The following MVD variants were observed in gnomAD, a reference collection of about 807,000 sequenced individuals.
MVD encodes the protein diphosphomevalonate decarboxylase.
In MVD, 52 loss-of-function variants were observed where a neutral mutation model predicts 42.4. The observed-to-expected ratio is 1.23, with a 90% confidence interval of 0.98 to 1.55. The LOEUF is 1.55. MVD is among the 40% of genes most tolerant of loss of function. The pLI is 0.00. For missense variants in MVD, 663 were observed against 572.1 expected, an observed-to-expected ratio of 1.16 and a Z score of -1.62; for synonymous variants, 287 against 243.2, an observed-to-expected ratio of 1.18 and a Z score of -1.68.
In MVD at chr16:88,656,220, A is replaced by G; in HGVS notation, c.488T>C (p.Leu163Pro). 6.2e-7 allele frequency: 1 copy of G among 1,600,304 alleles called. No individual in the cohort carries two copies. Residue 163 changes from leucine (L) to proline (P), a missense_variant, in exon 5 of 10, where the codon CTG becomes CCG. Physicochemically the swap from Leu to Pro is moderately conservative, Grantham distance 98. Transcript: ENST00000301012. ...CTGCCACTCCACAAAGCCCCCATAC[A>G]GGCTCCGGCAGGCGCTGCCTGAGCC... ...RRGSGSACRSLYGGFVEWQMG... is the reference protein window; with the variant it reads ...RRGSGSACRSPYGGFVEWQMG...
intron 4 of MVD, chr16:88,657,108 ATTT>A (rs772792967): frequency 4.2e-6 from 2 of 473,634 alleles, no homozygotes; most frequent in Non-Finnish European, 7.8e-6. Flanking sequence ...CAACGGGAAG[ATTT>A]TTTTATTTTT....
intron 1 of MVD, among the ~76,000 whole-genome samples, chr16:88,661,683 G>A (rs1345147448): frequency 6.6e-6 from 1 of 151,882 alleles, no homozygotes; most frequent in African/African-American, 2.4e-5. Context: ...AGGGAAACGC[G>A]AATGAGGACC....
intron 1 of MVD, 183 bp from the exon 2 acceptor site, chr16:88,658,903 T>G: frequency 1.8e-6 from 1 of 559,972 alleles, no homozygotes; most frequent in Non-Finnish European, 3.3e-6. Flanking sequence ...CCCACCCCAC[T>G]GAGCTCAGGC....
At chr16:88,655,882 G>A in intron 5 of MVD, 152 bp from the exon 6 acceptor site, 10 of 1,136,488 alleles carry the variant, frequency 8.8e-6, no homozygotes, top group South Asian at 1.5e-5. Context: ...CCCGGCCACA[G>A]CAGGGGTGAC....
intron 4 of MVD, chr16:88,656,667 G>A (rs1020848530): frequency 8.1e-6 from 3 of 368,932 alleles, no homozygotes; most frequent in Non-Finnish European, 1.6e-5. Context: ...GTGGGGCAGG[G>A]ACCGATGCCA....
rs139934159 is a variant in MVD, at chr16:88,653,667, G to C, written c.1014-259C>G. 168 of 431,846 alleles carry C rather than the reference G, an allele frequency of 3.9e-4. 2 individuals are homozygous for C. The highest frequency in any genetic ancestry group is 3.5e-3 in the African/African-American group (165 of 47,594). 26.8% of individuals were successfully genotyped at this position (431,846 alleles called of 1,614,324 possible). A position where few individuals can be genotyped will look rare whatever the true frequency, so the allele number is the denominator to read the frequency against. ...GGATTATATGCTCTCGAATGGCTGA[G>C]ACAGGAAATTTTAGGTTATGTGGTA... On this transcript the variant is annotated intron_variant, in intron 8 of 9. Transcript: ENST00000301012.
chr16:88,652,619 T>A lies in MVD; in HGVS notation c.1123-14A>T, dbSNP rs1319915946. The A allele has an allele frequency of 6.4e-6, 10 of 1,551,074 alleles. No homozygotes were observed. The highest frequency in any genetic ancestry group is 7.8e-6 in the Non-Finnish European group (9 of 1,146,776). ...CCCTGGCCCCACCTGGGGATAGAAATCCATGTCAGGTCACCAGGAATGGCA... is the reference window on the plus strand; with the variant it reads ...CCCTGGCCCCACCTGGGGATAGAAAACCATGTCAGGTCACCAGGAATGGCA... On this transcript the variant is annotated splice_polypyrimidine_tract_variant and intron_variant, in intron 9 of 9. Coordinates refer to ENST00000301012, the MANE Select transcript of MVD (RefSeq NM_002461.3).
chr16:88,660,037 C>A (rs1959177686), intron 1 of MVD, among the ~76,000 whole-genome samples: 1 of 151,314 alleles, frequency 6.6e-6, no homozygotes, highest in African/African-American at 2.4e-5. Flanking sequence ...CAGGCTGGAA[C>A]AGTGCCCCGC....
Position 88,657,554 on chromosome 16 carries a change from G to A in MVD, c.285C>T (p.Asn95=). The A allele has an allele frequency of 6.2e-7, 1 of 1,612,764 alleles. No homozygotes were observed. Residue 95 remains asparagine (N), a synonymous_variant, in exon 4 of 10, where the codon AAC becomes AAT. Coordinates refer to ENST00000301012, the MANE Select transcript of MVD (RefSeq NM_002461.3). ...AGGGCAGCGGGTCCCCATCCCGTGA[G>A]TTCCTCCGCTTCCGGGCCAGGCAGC... The part of the protein sequence containing the change: ...EIRCLARKRR[N]SRDGDPLPSS...
chr16:88,654,632 T>C (rs1907787109), intron 8 of MVD, 60 bp downstream of exon 8: 2 of 1,528,348 alleles, frequency 1.3e-6, no homozygotes, highest in Non-Finnish European at 1.8e-6. Flanking sequence ...CTCCGTCTCT[T>C]CCGACCAGAG....
In MVD at chr16:88,656,233, C is replaced by T. The variant is rs773583136; in HGVS notation, c.475G>A (p.Ala159Thr). Residue 159 changes from alanine (A) to threonine (T), a missense_variant, in exon 5 of 10, where the codon GCC (alanine) becomes ACC (threonine). Physicochemically the swap from Ala to Thr is moderately conservative, Grantham distance 58. Coordinates refer to ENST00000301012, the MANE Select transcript of MVD (RefSeq NM_002461.3). Reference protein sequence around the residue: ...SEVARRGSGSACRSLYGGFVE... With the variant: ...SEVARRGSGSTCRSLYGGFVE... ...AAGCCCCCATACAGGCTCCGGCAGG[C>T]GCTGCCTGAGCCCCGGCGAGCCACT... 4.2e-5 allele frequency: 68 copies of T among 1,600,072 alleles called. No individual in the cohort carries two copies. The highest frequency in any genetic ancestry group is 5.3e-5 in the Non-Finnish European group (62 of 1,179,936).
intron 5 of MVD, 99 bp from the exon 6 acceptor site, chr16:88,655,829 G>T: frequency 7.1e-7 from 1 of 1,406,660 alleles, no homozygotes; most frequent in Non-Finnish European, 9.7e-7. Context: ...AATGCAGGCA[G>T]CGGGGGTGGG....
chr16:88,658,473 C>T (rs1279491840), intron 2 of MVD, among the ~76,000 whole-genome samples, 177 bp downstream of exon 2: 1 of 152,080 alleles, frequency 6.6e-6, no homozygotes, highest in African/African-American at 2.4e-5. Context: ...CTCTGTCACC[C>T]AGGCTGGAGT....
intron 5 of MVD, 22 bp from the exon 6 acceptor site, chr16:88,655,752 TGGGCCACACCCTGCAGGGG>T: frequency 6.4e-7 from 1 of 1,550,750 alleles, no homozygotes; most frequent in Non-Finnish European, 8.7e-7. Context: ...AGAGACAGCC[TGGGCCACACCCTGCAGGGG>T]GCCAGCCCCA....
chr16:88,655,953 A>G, intron 5 of MVD, 152 bp downstream of exon 5: 1 of 1,206,834 alleles, frequency 8.3e-7, no homozygotes, highest in Non-Finnish European at 1.1e-6. Context: ...GCGGTTCCTG[A>G]GCACTCAACC....
intron 1 of MVD, chr16:88,662,275 GA>G (rs1908352185): frequency 6.5e-6 from 1 of 153,490 alleles, no homozygotes; most frequent in Admixed American, 6.5e-5. Flanking sequence ...CTCAGCAACA[GA>G]GGGGCAAAGC....
At chr16:88,662,601 G>A (rs1419757337) in intron 1 of MVD, 1 of 1,008,474 alleles carries the variant, frequency 9.9e-7, no homozygotes, top group African/African-American at 1.8e-5. Context: ...GGGAGCAGTG[G>A]CGCGATTTCC....
At chr16:88,654,935 G>A (rs1269592874) in intron 7 of MVD, 128 bp from the exon 8 acceptor site, 50 of 981,414 alleles carry the variant, frequency 5.1e-5, no homozygotes, top group Non-Finnish European at 7.2e-5. Context: ...CCACACTGGA[G>A]TGGAGCTGTG....
chr16:88,658,747 G>A (rs750100826), intron 1 of MVD, 27 bp from the exon 2 acceptor site: 42 of 1,591,640 alleles, frequency 2.6e-5, no homozygotes, highest in East Asian at 2.1e-4. Flanking sequence ...GGGCCAGGCC[G>A]GTGGGCTTCC....
Sources: allele counts gnomAD v4.1 joint callset (sites outside exome capture counted in the v4.1 genomes callset), GRCh38; gene constraint gnomAD v4.1.1; transcripts MANE v1.5; gene names NCBI Gene and HGNC (gene_info 2026-07-23, HGNC 2026-07-21).